NRIP1: variants seen among roughly 807,000 people sequenced by gnomAD.
NRIP1 encodes the protein nuclear receptor interacting protein 1.
NRIP1 carries 28 observed loss-of-function variants against 75.0 expected under a neutral mutation model. The ratio of observed to expected loss-of-function variants is 0.37; its 90% confidence interval spans 0.28 to 0.51. NRIP1 has a LOEUF of 0.51. Ranked by LOEUF, NRIP1 falls within the 20% of genes least tolerant of loss-of-function variation. NRIP1 has a pLI of 0.92. For synonymous variants in NRIP1, 526 were observed against 487.6 expected (o/e 1.08, Z -1.04); for missense variants, 1,435 against 1,343.7 (o/e 1.07, Z -1.06).
intron 1 of NRIP1, among the ~76,000 whole-genome samples, chr21:15,064,322 C>G (rs529239203): frequency 3.7e-4 from 56 of 152,324 alleles, no homozygotes; most frequent in African/African-American, 1.3e-3. Flanking sequence ...GGCACCCAGG[C>G]GAAAGGCGCC....
chr21:15,015,632 T>C (rs890715570), intron 2 of NRIP1, among the ~76,000 whole-genome samples: 8 of 152,050 alleles, frequency 5.3e-5, no homozygotes, highest in African/African-American at 1.9e-4. Flanking sequence ...GTATATTACA[T>C]CATGGAATAT....
chr21:14,987,466 C>T (rs892438175), intron 3 of NRIP1, among the ~76,000 whole-genome samples: 1 of 152,174 alleles, frequency 6.6e-6, no homozygotes, highest in Non-Finnish European at 1.5e-5. Flanking sequence ...TGCCAGGTTC[C>T]ACTGACCAGG....
At chr21:14,984,545 T>C (rs749735123) in intron 3 of NRIP1, among the ~76,000 whole-genome samples, 16 of 151,952 alleles carry the variant, frequency 1.1e-4, no homozygotes, top group Non-Finnish European at 2.1e-4. Flanking sequence ...GTGAACACTG[T>C]TGAAAAAACA....
At chr21:14,999,861 G>A (rs2087812566) in intron 3 of NRIP1, among the ~76,000 whole-genome samples, 1 of 152,142 alleles carries the variant, frequency 6.6e-6, no homozygotes, top group Non-Finnish European at 1.5e-5. Context: ...CATGTCAAAT[G>A]TTTGTTTTCT....
intron 3 of NRIP1, among the ~76,000 whole-genome samples, chr21:15,011,363 G>A (rs1202183279): frequency 6.6e-6 from 1 of 152,098 alleles, no homozygotes; most frequent in Non-Finnish European, 1.5e-5. Flanking sequence ...CTAATTTTTT[G>A]TATTTTTAGT....
intron 3 of NRIP1, among the ~76,000 whole-genome samples, chr21:14,993,340 AT>A (rs1236467972): frequency 6.6e-6 from 1 of 152,178 alleles, no homozygotes; most frequent in Non-Finnish European, 1.5e-5. Flanking sequence ...CAATCCACAA[AT>A]TGTCAACCTC....
At chr21:15,062,991 T>C (rs138936044) in intron 1 of NRIP1, among the ~76,000 whole-genome samples, 99 of 152,342 alleles carry the variant, frequency 6.5e-4, no homozygotes, top group African/African-American at 2.3e-3. Context: ...AACTAACTCA[T>C]TTGAATAAAA....
intron 3 of NRIP1, among the ~76,000 whole-genome samples, chr21:15,011,090 TA>T (rs201378878): frequency 1.2e-4 from 18 of 151,380 alleles, no homozygotes; most frequent in South Asian, 4.2e-4. Flanking sequence ...CTTAAACAAA[TA>T]AAAAAAAATA....
At chr21:14,998,343 C>A (rs1345692721) in intron 3 of NRIP1, among the ~76,000 whole-genome samples, 1 of 152,190 alleles carries the variant, frequency 6.6e-6, no homozygotes, top group East Asian at 1.9e-4. Context: ...TCTCCATGAA[C>A]AATCTGAATT....
chr21:14,971,180 A>T (rs1195858483), intron 3 of NRIP1, among the ~76,000 whole-genome samples: 1 of 152,236 alleles, frequency 6.6e-6, no homozygotes, highest in African/African-American at 2.4e-5. Context: ...CTTGGGTCTG[A>T]GGACTGTGCT....
rs150364956 is a variant in NRIP1 at position 15,038,752 on chromosome 21, C to A, written c.-458+4743G>T. Among the ~76,000 whole-genome samples the A allele has an allele frequency of 2.0e-4, 30 of 151,820 alleles. No homozygotes were observed. The East Asian group carries it at 5.6e-3, about 28-fold the overall frequency. On this transcript the variant is annotated intron_variant, in intron 2 of 3. Transcript: ENST00000318948. ...TTCATTTCCTTTAAATATTCCCTGC[C>A]CCAGAAAACCTATAAAGGCAAATTT...
intron 3 of NRIP1, among the ~76,000 whole-genome samples, chr21:14,999,786 C>T (rs2087811114): frequency 6.6e-6 from 1 of 152,246 alleles, no homozygotes; most frequent in Admixed American, 6.5e-5. Flanking sequence ...AGGGAAGTAT[C>T]ACCCACATAA....
At chr21:15,038,762 C>T (rs1248095196) in intron 2 of NRIP1, among the ~76,000 whole-genome samples, 1 of 151,758 alleles carries the variant, frequency 6.6e-6, no homozygotes, top group Non-Finnish European at 1.5e-5. Flanking sequence ...CCCAGAAAAC[C>T]TATAAAGGCA....
intron 2 of NRIP1, among the ~76,000 whole-genome samples, chr21:15,035,745 A>G (rs1421462601): frequency 6.6e-6 from 1 of 151,760 alleles, no homozygotes; most frequent in Non-Finnish European, 1.5e-5. Context: ...TTTAGTAGGG[A>G]CGAGGTTTCA....
At chr21:15,034,512 A>G (rs1381388655) in intron 2 of NRIP1, among the ~76,000 whole-genome samples, 2 of 152,230 alleles carry the variant, frequency 1.3e-5, no homozygotes, top group Non-Finnish European at 2.9e-5. Context: ...GAAAAAATGA[A>G]TATTATTATT....
At chr21:15,040,638 C>A (rs547335692) in intron 2 of NRIP1, among the ~76,000 whole-genome samples, 3 of 151,978 alleles carry the variant, frequency 2.0e-5, no homozygotes, top group African/African-American at 7.2e-5. Flanking sequence ...GCCTGATTTG[C>A]TTCAAAATCC....
chr21:14,967,472 G>T lies in NRIP1; in HGVS notation c.721C>A (p.Gln241Lys). 1 of 1,614,102 alleles carries T rather than the reference G, an allele frequency of 6.2e-7. No homozygotes were observed. The highest frequency in any genetic ancestry group is 8.5e-7 in the Non-Finnish European group (1 of 1,180,012). ...SEPLSCAARL[Q>K]AVASMVEKRA... ...TTTTCCACCATGCTTGCAACAGCCT[G>T]TAATCTTGCAGCACATGACAACGGT... The change falls in exon 4 of 4, where the codon CAG (glutamine) becomes AAG (lysine). Residue 241 changes from glutamine (Q) to lysine (K), a missense_variant. Physicochemically the swap from Gln to Lys is moderately conservative, Grantham distance 53 (BLOSUM62 1). Coordinates refer to ENST00000318948, the MANE Select transcript of NRIP1 (RefSeq NM_003489.4).
chr21:14,990,082 T>A (rs1216299959), intron 3 of NRIP1, among the ~76,000 whole-genome samples: 1 of 152,138 alleles, frequency 6.6e-6, no homozygotes, highest in Non-Finnish European at 1.5e-5. Context: ...TCCTAATGAA[T>A]ACTCTAGAAT....
At chr21:14,997,281 T>C (rs1424789066) in intron 3 of NRIP1, among the ~76,000 whole-genome samples, 1 of 152,218 alleles carries the variant, frequency 6.6e-6, no homozygotes, top group Non-Finnish European at 1.5e-5. Flanking sequence ...TTCCAAATCA[T>C]TTATTGTAAT....
Sources: allele counts gnomAD v4.1 joint callset (sites outside exome capture counted in the v4.1 genomes callset), GRCh38; gene constraint gnomAD v4.1.1; transcripts MANE v1.5; gene names NCBI Gene and HGNC (gene_info 2026-07-23, HGNC 2026-07-21).